The following KDM6A variants were observed in gnomAD, a reference collection of about 807,000 sequenced individuals.
KDM6A encodes the protein lysine demethylase 6A, also known as lysine-specific demethylase 6A.
In KDM6A, 11 loss-of-function variants were observed where a neutral mutation model predicts 117.6. The ratio of observed to expected loss-of-function variants is 0.09; its 90% CI spans 0.06 to 0.15. The LOEUF (loss-of-function observed/expected upper bound fraction) is 0.15, where lower values mean the gene tolerates loss of function less well. KDM6A is among the 10% of genes least tolerant of loss of function. The pLI, the probability that KDM6A is intolerant of heterozygous loss-of-function variation, is 1.00. For synonymous variants in KDM6A, 384 were observed against 396.1 expected (o/e 0.97, Z 0.36); for missense variants, 799 against 1,077.3 (o/e 0.74, Z 3.62).
chrX:45,110,399 C>T (rs1015078042), intron 29 of KDM6A, 150 bp downstream of exon 29: 2 of 495,210 alleles, frequency 4.0e-6, no homozygotes, highest in East Asian at 7.5e-5. Flanking sequence ...ATATCATTCC[C>T]CCCTCCATTT....
intron 27 of KDM6A, among the ~76,000 whole-genome samples, chrX:45,093,114 G>A (rs1421137941): frequency 9.0e-6 from 1 of 110,735 alleles, no homozygotes; most frequent in African/African-American, 3.3e-5. Context: ...GGGTGCAGTG[G>A]CTCATCCCTA....
chrX:44,890,816 A>G (rs1356352392), intron 2 of KDM6A, among the ~76,000 whole-genome samples: 1 of 107,475 alleles, frequency 9.3e-6, no homozygotes, highest in Non-Finnish European at 1.9e-5. Flanking sequence ...CACTACGCAC[A>G]TCTAATATTT....
At chrX:44,880,062 A>G (rs1380348077) in intron 2 of KDM6A, among the ~76,000 whole-genome samples, 1 of 108,532 alleles carries the variant, frequency 9.2e-6, no homozygotes, top group East Asian at 2.9e-4. Context: ...AGTCCCAGCT[A>G]CTTGGGAGGC....
At chrX:44,900,110 T>C (rs754632486) in intron 2 of KDM6A, among the ~76,000 whole-genome samples, 3 of 112,564 alleles carry the variant, frequency 2.7e-5, no homozygotes, top group South Asian at 3.6e-4. Flanking sequence ...GTCACTGTTA[T>C]GGTTTGCCAT....
intron 2 of KDM6A, among the ~76,000 whole-genome samples, chrX:44,889,784 A>G (rs2146584140): frequency 8.9e-6 from 1 of 112,567 alleles, no homozygotes; most frequent in East Asian, 2.8e-4. Context: ...ACATCACATG[A>G]CAGATTGGAT....
chrX:44,896,290 G>C (rs1309278994), intron 2 of KDM6A, among the ~76,000 whole-genome samples: 1 of 110,020 alleles, frequency 9.1e-6, no homozygotes, highest in Non-Finnish European at 1.9e-5. Flanking sequence ...TGTTAACCAG[G>C]ATGGTCACGA....
Position 45,067,653 on chromosome X carries a change from G to GTT in KDM6A, c.2080-1910_2080-1909dup, listed in dbSNP as rs1192862756. On this transcript the variant is annotated intron_variant, in intron 17 of 29. Transcript: ENST00000611820. ...ACTCACTGGTGTGTATCTTTTTTTTGTTTTTTTTTTTTTTTTTGAGATGGA... is the reference window on the plus strand; with the variant it reads ...ACTCACTGGTGTGTATCTTTTTTTTGTTTTTTTTTTTTTTTTTTTGAGATGGA... Among the ~76,000 whole-genome samples the GTT allele has an allele frequency of 4.7e-4, 39 of 83,258 alleles. 1 individual carries two copies. The highest frequency in any genetic ancestry group is 6.3e-3 in the Middle Eastern group (1 of 159). The allele number at this position is 83,258 out of a possible 115,157, so 72.3% of individuals were successfully genotyped here. A position where few individuals can be genotyped will look rare whatever the true frequency, so the allele number is the denominator to read the frequency against.
At chrX:45,044,753 A>T (rs1386314968) in intron 8 of KDM6A, among the ~76,000 whole-genome samples, 2 of 110,228 alleles carry the variant, frequency 1.8e-5, no homozygotes, top group Non-Finnish European at 3.8e-5. Flanking sequence ...ATCCCTTTAC[A>T]TATAGATGTA....
rs12559916 is a variant in KDM6A, at chrX:44,976,581, A to G, written c.384+1866A>G. 0.079 allele frequency among the ~76,000 whole-genome samples: 8,770 copies of G among 111,252 alleles called. 553 individuals carry two copies. Among genetic ancestry groups the G allele is most frequent in the Admixed American group, 0.31 (3,204 of 10,413 alleles). ...TGAATGCCATGTAATTGATTGCTATACTGTATTGCTTTTTAGTTTGTATTA... is the reference window on the plus strand; with the variant it reads ...TGAATGCCATGTAATTGATTGCTATGCTGTATTGCTTTTTAGTTTGTATTA... On this transcript the variant is annotated intron_variant, in intron 4 of 29. Transcript: ENST00000611820.
chrX:44,978,744 C>T (rs1956315919), intron 4 of KDM6A, among the ~76,000 whole-genome samples: 1 of 111,973 alleles, frequency 8.9e-6, no homozygotes, highest in African/African-American at 3.2e-5. Flanking sequence ...TTCCCTTGTG[C>T]CATTTTCCTA....
chrX:45,109,065 C>T (rs2046652768), intron 28 of KDM6A, among the ~76,000 whole-genome samples: 1 of 102,820 alleles, frequency 9.7e-6, no homozygotes, highest in African/African-American at 3.5e-5. Flanking sequence ...CACATGTATA[C>T]ATATGTAACT....
intron 4 of KDM6A, among the ~76,000 whole-genome samples, chrX:44,999,717 CT>C (rs1414920852): frequency 9.0e-6 from 1 of 111,127 alleles, no homozygotes; most frequent in Non-Finnish European, 1.9e-5. Context: ...CATGTCTTGG[CT>C]TAGTTGTTTG....
chrX:45,018,072 G>A (rs1478123735), intron 5 of KDM6A, among the ~76,000 whole-genome samples: 1 of 111,469 alleles, frequency 9.0e-6, no homozygotes, highest in Non-Finnish European at 1.9e-5. Context: ...AAGAAGAAAT[G>A]GAGTTGAATA....
At chrX:45,091,798 A>T (rs987895097) in intron 27 of KDM6A, among the ~76,000 whole-genome samples, 2 of 111,865 alleles carry the variant, frequency 1.8e-5, no homozygotes, top group Non-Finnish European at 3.8e-5. Context: ...TACATTAAGT[A>T]TTTCTCCTGC....
At chrX:45,018,275 C>T (rs1040371548) in intron 5 of KDM6A, among the ~76,000 whole-genome samples, 2 of 110,421 alleles carry the variant, frequency 1.8e-5, no homozygotes, top group African/African-American at 3.3e-5. Context: ...ATAAGGTTTT[C>T]GATTAGAGAT....
intron 19 of KDM6A, 122 bp downstream of exon 19, chrX:45,076,948 T>G: frequency 1.3e-5 from 7 of 530,540 alleles, no homozygotes; most frequent in Non-Finnish European, 1.5e-5. Flanking sequence ...GCAGATTAAA[T>G]AGTTTGGGGG....
intron 2 of KDM6A, among the ~76,000 whole-genome samples, chrX:44,941,567 G>A (rs1324715222): frequency 9.6e-6 from 1 of 103,865 alleles, no homozygotes; most frequent in Non-Finnish European, 1.9e-5. Context: ...TGCAAGCTCC[G>A]CCTCCCGGGT....
chrX:45,069,910 A>G lies in KDM6A; in HGVS notation c.2411A>G (p.His804Arg), dbSNP rs2044739718. Residue 804 changes from histidine (H) to arginine (R), a missense_variant, in exon 18 of 30, where the codon CAT becomes CGT. Transcript: ENST00000611820. The part of the protein sequence containing the change: ...ASVEGLPNHV[H>R]QMTADAVCSP... ...GTCGAGGGACTTCCTAATCATGTCCATCAGATGACGGCAGATGCTGTTTGC... is the reference window on the plus strand; with the variant it reads ...GTCGAGGGACTTCCTAATCATGTCCGTCAGATGACGGCAGATGCTGTTTGC... The G allele has an allele frequency of 1.7e-6, 2 of 1,211,551 alleles. No individual in the cohort carries two copies. Among genetic ancestry groups the G allele is most frequent in the Non-Finnish European group, 2.2e-6 (2 of 895,130 alleles).
At chrX:45,009,108 C>A (rs1056582053) in intron 4 of KDM6A, among the ~76,000 whole-genome samples, 1 of 111,781 alleles carries the variant, frequency 8.9e-6, no homozygotes, top group African/African-American at 3.3e-5. Context: ...TTGGATCTCA[C>A]GCAAGAAAGA....
Sources: gnomAD v4.1 joint callset for allele counts (sites outside exome capture counted in the v4.1 genomes callset) on GRCh38, gnomAD v4.1.1 for gene constraint, MANE v1.5 for transcripts, NCBI Gene and HGNC (gene_info 2026-07-23, HGNC 2026-07-21) for gene names.